The following AAMDC variants were observed in gnomAD, a reference collection of about 807,000 sequenced individuals.
The protein encoded by AAMDC is adipogenesis associated Mth938 domain containing, also known as mth938 domain-containing protein.
In AAMDC, 16 loss-of-function variants were observed where a neutral mutation model predicts 15.5. That is an observed-to-expected ratio of 1.03 (90% CI 0.70 to 1.57). The LOEUF is 1.57. Ranked by LOEUF, AAMDC falls within the 40% of genes most tolerant of loss-of-function variation. AAMDC has a pLI of 0.00. For synonymous variants in AAMDC, 51 were observed against 51.6 expected (o/e 0.99, Z 0.05); for missense variants, 141 against 144.9 (o/e 0.97, Z 0.14).
chr11:77,868,355 GC>G (rs1248314963), intron 2 of AAMDC, among the ~76,000 whole-genome samples: 2 of 119,894 alleles, frequency 1.7e-5, no homozygotes, highest in African/African-American at 6.6e-5. Flanking sequence ...ACGCCCAGCC[GC>G]CTTTTTTTTT....
chr11:77,900,792 G>C, downstream of AAMDC: 1 of 594,758 alleles, frequency 1.7e-6, no homozygotes, highest in Non-Finnish European at 3.0e-6. Flanking sequence ...GGCAATTCCA[G>C]TTATCTGAAA....
intron 1 of AAMDC, among the ~76,000 whole-genome samples, chr11:77,833,823 A>T (rs1176595613): frequency 6.6e-6 from 1 of 152,210 alleles, no homozygotes; most frequent in Non-Finnish European, 1.5e-5. Context: ...CTAGATTTTG[A>T]CATTTCTTCT....
chr11:77,868,660 ACAGTC>A (rs930878826), intron 2 of AAMDC: 1 of 157,262 alleles, frequency 6.4e-6, no homozygotes, highest in African/African-American at 2.4e-5. Context: ...TTTTTAATGT[ACAGTC>A]CAGAGGTTTT....
At chr11:77,875,489 G>C (rs572202781), downstream of AAMDC, among the ~76,000 whole-genome samples, 1 of 152,256 alleles carries the variant, frequency 6.6e-6, no homozygotes, top group African/African-American at 2.4e-5. Flanking sequence ...GACACCACTA[G>C]GTCCACACTT....
At chr11:77,899,442 C>T (rs1381960697) in intron 5 of AAMDC, among the ~76,000 whole-genome samples, 1 of 151,962 alleles carries the variant, frequency 6.6e-6, no homozygotes, top group Non-Finnish European at 1.5e-5. Flanking sequence ...GAGGCCGAGT[C>T]GGGTGGATCA....
rs1951468443 is a variant in AAMDC, at chr11:77,872,262, G to A, written c.316G>A (p.Ala106Thr). ...AGAGCAGGCAGTGAAGGAGTATAAT[G>A]CCTTGGTTGCCCAAGGGGTCAGGGT... ...QTEQAVKEYN[A>T]LVAQGVRVGG... is the part of the protein sequence containing the mutation. The change falls in exon 4 of 4, where the codon GCC becomes ACC. Residue 106 changes from alanine (A) to threonine (T), a missense_variant. By Grantham distance (58) the Ala-to-Thr change is moderately conservative (BLOSUM62 0). Coordinates refer to ENST00000393427, the MANE Select transcript of AAMDC (RefSeq NM_024684.4). The A allele has an allele frequency of 6.2e-7, 1 of 1,613,536 alleles. No individual in the cohort carries two copies. The highest frequency in any genetic ancestry group is 1.1e-5 in the South Asian group (1 of 91,002).
intron 5 of AAMDC, among the ~76,000 whole-genome samples, chr11:77,887,482 A>C (rs1201937467): frequency 6.6e-6 from 1 of 152,094 alleles, no homozygotes; most frequent in Non-Finnish European, 1.5e-5. Flanking sequence ...ATGGGCAAAA[A>C]CTGGAAGCAT....
At chr11:77,841,683 A>G (rs1949939176) in intron 1 of AAMDC, among the ~76,000 whole-genome samples, 1 of 152,174 alleles carries the variant, frequency 6.6e-6, no homozygotes, top group East Asian at 1.9e-4. Flanking sequence ...TCTTTGATGC[A>G]TATCCTTGCA....
chr11:77,891,427 C>T (rs749106537), intron 5 of AAMDC: 15 of 1,613,522 alleles, frequency 9.3e-6, no homozygotes, highest in South Asian at 8.8e-5. Flanking sequence ...CTGACTCGCC[C>T]GCTGGCTCGA....
intron 2 of AAMDC, chr11:77,869,306 C>CT (rs1358517135): frequency 3.0e-4 from 36 of 120,454 alleles, no homozygotes; most frequent in African/African-American, 1.0e-3. Flanking sequence ...TTATTTATCT[C>CT]TTTTTCTTTT....
At chr11:77,861,407 T>C (rs767161649) in intron 2 of AAMDC, among the ~76,000 whole-genome samples, 1 of 151,890 alleles carries the variant, frequency 6.6e-6, no homozygotes, top group Non-Finnish European at 1.5e-5. Flanking sequence ...GACAGGAGAG[T>C]AAGACTGAGA....
chr11:77,825,053 T>C (rs1168110299), intron 1 of AAMDC, among the ~76,000 whole-genome samples: 1 of 152,176 alleles, frequency 6.6e-6, no homozygotes, highest in East Asian at 1.9e-4. Context: ...CGATCTCAGC[T>C]CACTGCATGC....
downstream of AAMDC, among the ~76,000 whole-genome samples, chr11:77,902,809 GA>G (rs1045798757): frequency 6.6e-6 from 1 of 152,160 alleles, no homozygotes; most frequent in Non-Finnish European, 1.5e-5. Flanking sequence ...AAGCTAAAAA[GA>G]AATAAACTAG....
At chr11:77,872,130 G>A (rs957907207) in intron 3 of AAMDC, 45 bp from the exon 4 acceptor site, 2 of 1,588,748 alleles carry the variant, frequency 1.3e-6, no homozygotes, top group Non-Finnish European at 1.7e-6. Flanking sequence ...GGAACCCCTG[G>A]GGGGCCTTTC....
At chr11:77,879,974 C>G (rs188685909) in intron 5 of AAMDC, among the ~76,000 whole-genome samples, 1 of 152,240 alleles carries the variant, frequency 6.6e-6, no homozygotes, top group East Asian at 1.9e-4. Flanking sequence ...CAGAGACTCC[C>G]CAGATGCACA....
At chr11:77,883,210 G>A (rs534331087) in intron 5 of AAMDC, among the ~76,000 whole-genome samples, 3 of 152,080 alleles carry the variant, frequency 2.0e-5, no homozygotes, top group Non-Finnish European at 4.4e-5. Flanking sequence ...CAGTAACAGT[G>A]CTCCTGAACC....
At chr11:77,875,032 A>T (rs1393415860), downstream of AAMDC, among the ~76,000 whole-genome samples, 3 of 142,212 alleles carry the variant, frequency 2.1e-5, no homozygotes, top group Admixed American at 2.2e-4. Flanking sequence ...ACAGAGCAAG[A>T]CTCCATCTCA....
At chr11:77,873,286 A>C (rs553669590), downstream of AAMDC, among the ~76,000 whole-genome samples, 1 of 152,308 alleles carries the variant, frequency 6.6e-6, no homozygotes, top group South Asian at 2.1e-4. Context: ...GTAGGTATTA[A>C]ATGAGGCAAT....
At chr11:77,856,882 A>G (rs1478952983) in intron 2 of AAMDC, among the ~76,000 whole-genome samples, 2 of 152,236 alleles carry the variant, frequency 1.3e-5, no homozygotes, top group African/African-American at 4.8e-5. Context: ...TCCATATTTC[A>G]TTCTTTACTG....
Sources: allele counts gnomAD v4.1 joint callset (sites outside exome capture counted in the v4.1 genomes callset), GRCh38; gene constraint gnomAD v4.1.1; transcripts MANE v1.5; gene names NCBI Gene and HGNC (gene_info 2026-07-23, HGNC 2026-07-21).